PLCL2: variants seen among roughly 807,000 people sequenced by gnomAD.
PLCL2 encodes phospholipase C like 2.
PLCL2 carries 4 observed loss-of-function variants against 79.6 expected under a neutral mutation model. The observed-to-expected ratio is 0.05, with a 90% CI of 0.02 to 0.11. The LOEUF (loss-of-function observed/expected upper bound fraction) is 0.11. Among genes scored for constraint, PLCL2 ranks in the 10% least tolerant of loss-of-function variants. The pLI, the probability that PLCL2 is intolerant of heterozygous loss-of-function variation, is 1.00. For synonymous variants in PLCL2, 484 were observed against 457.7 expected, an observed-to-expected ratio of 1.06 and a Z score of -0.73; for missense variants, 895 against 1,291.0, an observed-to-expected ratio of 0.69 and a Z score of 4.70.
At position 17,089,881 on chromosome 3, in the gene PLCL2, C is replaced by A. The variant is rs144997343; in HGVS notation, c.3353C>A (p.Pro1118His). ...CCACGCCGGAGCTTGGAAGTCATAC[C>A]CGAAAAAGCAAACGATGAAACTGGA... ...QKPRRSLEVI[P>H]EKANDETGE The change falls in exon 6 of 6, where the codon CCC becomes CAC. Residue 1118 changes from proline to histidine, a missense_variant. This residue lies in a region of PLCL2 where 298 missense variants were observed against 459.6 expected (regional missense o/e 0.65). Coordinates refer to ENST00000615277, the MANE Select transcript of PLCL2 (RefSeq NM_001144382.2). The A allele has an allele frequency of 1.8e-4, 284 of 1,612,840 alleles. No homozygotes were observed. The highest frequency in any genetic ancestry group is 2.3e-4 in the Non-Finnish European group (267 of 1,179,598).
chr3:17,089,859 C>T lies in PLCL2; in HGVS notation c.3331C>T (p.Arg1111Cys), dbSNP rs753953891. 7 of 1,613,630 alleles carry T rather than the reference C, an allele frequency of 4.3e-6. No individual in the cohort carries two copies. Among genetic ancestry groups the T allele is most frequent in the Middle Eastern group, 1.6e-4 (1 of 6,080 alleles). ...CGAAAATGCTGATGTCCAGAAGCCACGCCGGAGCTTGGAAGTCATACCCGA... is the reference window on the plus strand; with the variant it reads ...CGAAAATGCTGATGTCCAGAAGCCATGCCGGAGCTTGGAAGTCATACCCGA... Reference protein sequence around the residue: ...GTENADVQKPRRSLEVIPEKA... With the variant: ...GTENADVQKPCRSLEVIPEKA... Residue 1111 changes from arginine (R) to cysteine (C), a missense_variant, in exon 6 of 6, where the codon CGC (arginine) becomes TGC (cysteine). Arg to Cys is a radical substitution (Grantham distance 180). Transcript: ENST00000615277.
At chr3:17,051,820 C>G (rs1399242135) in intron 4 of PLCL2, among the ~76,000 whole-genome samples, 1 of 152,128 alleles carries the variant, frequency 6.6e-6, no homozygotes, top group Non-Finnish European at 1.5e-5. Context: ...CAGGAAGTAC[C>G]TTGCCAGTAA....
intron 1 of PLCL2, among the ~76,000 whole-genome samples, chr3:16,928,271 C>A (rs371525173): frequency 6.6e-6 from 1 of 152,200 alleles, no homozygotes; most frequent in East Asian, 1.9e-4. Context: ...GCACTTCATT[C>A]ACATTGAGTA....
chr3:16,916,158 G>T (rs1696990430), intron 1 of PLCL2, among the ~76,000 whole-genome samples: 3 of 152,134 alleles, frequency 2.0e-5, no homozygotes, highest in Admixed American at 2.0e-4. Flanking sequence ...AGTTGACTCA[G>T]TAAACCTGCC....
chr3:17,058,983 T>C (rs1279410940), intron 4 of PLCL2, among the ~76,000 whole-genome samples: 1 of 152,174 alleles, frequency 6.6e-6, no homozygotes, highest in Non-Finnish European at 1.5e-5. Context: ...TGGGTCCATA[T>C]ATAGGGAAGC....
At chr3:16,951,188 A>G (rs1374721422) in intron 1 of PLCL2, among the ~76,000 whole-genome samples, 6 of 152,098 alleles carry the variant, frequency 3.9e-5, no homozygotes, top group Non-Finnish European at 7.4e-5. Flanking sequence ...GGTATAATTC[A>G]CCTAAAATGA....
chr3:17,018,144 G>T (rs2064406703), intron 3 of PLCL2, among the ~76,000 whole-genome samples: 2 of 152,136 alleles, frequency 1.3e-5, no homozygotes, highest in Non-Finnish European at 2.9e-5. Context: ...GACCCTATTA[G>T]CAGTGCTGGA....
chr3:17,067,378 T>C (rs1487254322), intron 4 of PLCL2, among the ~76,000 whole-genome samples: 2 of 152,188 alleles, frequency 1.3e-5, no homozygotes, highest in Admixed American at 1.3e-4. Flanking sequence ...CTTGCAGAAA[T>C]TGTTTTGAAC....
In PLCL2 at chr3:17,089,868, T is replaced by C; in HGVS notation, c.3340T>C (p.Leu1114=). The change falls in exon 6 of 6, where the codon TTG becomes CTG. Residue 1114 remains leucine, a synonymous_variant. Coordinates refer to ENST00000615277, the MANE Select transcript of PLCL2 (RefSeq NM_001144382.2). ...NADVQKPRRS[L]EVIPEKANDE... ...TGATGTCCAGAAGCCACGCCGGAGC[T>C]TGGAAGTCATACCCGAAAAAGCAAA... is the stretch of plus-strand genomic sequence containing the variant. 6.2e-7 allele frequency: 1 copy of C among 1,613,928 alleles called. No homozygotes were observed. The highest frequency in any genetic ancestry group is 8.5e-7 in the Non-Finnish European group (1 of 1,179,926).
chr3:16,971,243 G>A (rs2063864339), intron 1 of PLCL2, among the ~76,000 whole-genome samples: 1 of 151,940 alleles, frequency 6.6e-6, no homozygotes, highest in Non-Finnish European at 1.5e-5. Context: ...TTTTGTATAA[G>A]GTGTAAGGAA....
At chr3:17,076,382 GT>G (rs770528403) in intron 5 of PLCL2, among the ~76,000 whole-genome samples, 2 of 151,764 alleles carry the variant, frequency 1.3e-5, no homozygotes, top group Non-Finnish European at 2.9e-5. Context: ...CCTGAAATTT[GT>G]TTCTGTCTTA....
intron 1 of PLCL2, among the ~76,000 whole-genome samples, chr3:16,977,520 A>T (rs1252810118): frequency 6.6e-6 from 1 of 151,992 alleles, no homozygotes; most frequent in Non-Finnish European, 1.5e-5. Flanking sequence ...CAGGTCCCCC[A>T]CTCTCTCTGA....
chr3:17,027,659 C>T (rs1021036807), intron 3 of PLCL2, among the ~76,000 whole-genome samples: 2 of 152,128 alleles, frequency 1.3e-5, no homozygotes, highest in Non-Finnish European at 2.9e-5. Context: ...TTCTTTTCTT[C>T]CTTCCTTTCC....
chr3:17,054,370 A>G (rs1284572590), intron 4 of PLCL2, among the ~76,000 whole-genome samples: 1 of 152,180 alleles, frequency 6.6e-6, no homozygotes, highest in Non-Finnish European at 1.5e-5. Context: ...GTCTCTAGGA[A>G]GTTCCAAACT....
intron 1 of PLCL2, among the ~76,000 whole-genome samples, chr3:16,977,266 A>G (rs1424081925): frequency 1.3e-5 from 2 of 152,170 alleles, no homozygotes; most frequent in Non-Finnish European, 2.9e-5. Context: ...ATCCTAGAAC[A>G]TAGTCCTGTA....
intron 5 of PLCL2, among the ~76,000 whole-genome samples, chr3:17,068,807 T>G (rs1403569756): frequency 6.6e-6 from 1 of 152,220 alleles, no homozygotes; most frequent in Middle Eastern, 3.2e-3. Flanking sequence ...AAAATAATGC[T>G]GTGTATGTAC....
At chr3:16,894,239 C>G (rs1477259411) in intron 1 of PLCL2, among the ~76,000 whole-genome samples, 1 of 152,020 alleles carries the variant, frequency 6.6e-6, no homozygotes, top group East Asian at 1.9e-4. Flanking sequence ...TTATTTCTAT[C>G]AATCCATGCT....
At chr3:16,955,040 A>G (rs1385682331) in intron 1 of PLCL2, among the ~76,000 whole-genome samples, 1 of 152,134 alleles carries the variant, frequency 6.6e-6, no homozygotes, top group African/African-American at 2.4e-5. Context: ...ATTAGATCCC[A>G]TTTGTCAATT....
At chr3:17,083,259 T>A (rs2065181762) in intron 5 of PLCL2, among the ~76,000 whole-genome samples, 1 of 151,880 alleles carries the variant, frequency 6.6e-6, no homozygotes, top group Non-Finnish European at 1.5e-5. Flanking sequence ...GGCATCAGAG[T>A]CAAGATGGCA....
Sources: gnomAD v4.1 joint callset for allele counts (sites outside exome capture counted in the v4.1 genomes callset) on GRCh38, gnomAD v4.1.1 for gene constraint, gnomAD v4.1.1 regional missense constraint, MANE v1.5 for transcripts, NCBI Gene and HGNC (gene_info 2026-07-23, HGNC 2026-07-21) for gene names.